SLC39A11: variants seen among roughly 807,000 people sequenced by gnomAD.
SLC39A11 encodes solute carrier family 39 member 11, also known as zinc transporter ZIP11.
A neutral mutation model predicts 36.1 loss-of-function variants in SLC39A11; 33 were observed. That is an observed-to-expected ratio of 0.91 (90% CI 0.69 to 1.22). The LOEUF (loss-of-function observed/expected upper bound fraction) is 1.22, where lower values mean the gene tolerates loss of function less well. Among genes scored for constraint, SLC39A11 ranks in the 50% most tolerant of loss-of-function variants. The pLI is 0.00. For missense variants in SLC39A11, 432 were observed against 430.3 expected, an observed-to-expected ratio of 1.00 and a Z score of -0.03; for synonymous variants, 166 against 170.3, an observed-to-expected ratio of 0.97 and a Z score of 0.20.
At position 72,693,972 on chromosome 17, in the gene SLC39A11, T is replaced by C. The variant is rs529027383; in HGVS notation, c.671+42678A>G. ...CCACCGAGCCCAGCCCCCAGCTCTT[T>C]ATAGAAAAAGCACCCACCTCCCTGC... On this transcript the variant is annotated intron_variant, in intron 7 of 9. Transcript: ENST00000255559. Among the ~76,000 whole-genome samples the C allele has an allele frequency of 9.2e-5, 14 of 152,080 alleles. No homozygotes were observed. The South Asian group carries it at 2.9e-3, about 32-fold the overall frequency.
chr17:72,871,728 C>T (rs2080639520), intron 5 of SLC39A11, among the ~76,000 whole-genome samples: 1 of 152,086 alleles, frequency 6.6e-6, no homozygotes, highest in Non-Finnish European at 1.5e-5. Flanking sequence ...TGAGTTGGGT[C>T]CTTTTATAAT....
At chr17:73,070,459 C>A (rs922221869) in intron 3 of SLC39A11, among the ~76,000 whole-genome samples, 27 of 152,274 alleles carry the variant, frequency 1.8e-4, no homozygotes, top group Middle Eastern at 3.4e-3. Context: ...GAACCCTAAG[C>A]ATTAACTCAG....
At chr17:72,786,815 T>C (rs1450967052) in intron 6 of SLC39A11, among the ~76,000 whole-genome samples, 1 of 151,508 alleles carries the variant, frequency 6.6e-6, no homozygotes, top group Non-Finnish European at 1.5e-5. Context: ...GGCAATCCCA[T>C]ATCTATTTTT....
chr17:72,867,108 C>T (rs1187305769), intron 5 of SLC39A11, among the ~76,000 whole-genome samples: 1 of 152,140 alleles, frequency 6.6e-6, no homozygotes, highest in Non-Finnish European at 1.5e-5. Flanking sequence ...AAAGTAGTAA[C>T]ATTAAAGCAT....
At position 72,831,129 on chromosome 17, in the gene SLC39A11, A is replaced by AT. The variant is rs146986695; in HGVS notation, c.601+18504dup. On this transcript the variant is annotated intron_variant, in intron 6 of 9. Coordinates refer to ENST00000255559, the MANE Select transcript of SLC39A11 (RefSeq NM_139177.4). Reference sequence around the variant, plus strand: ...TTGCACCTGCAAACAGGATTCAGAGATTTTTTTTTTTCTCCCATCAGCATG... The same window carrying AT: ...TTGCACCTGCAAACAGGATTCAGAGATTTTTTTTTTTTCTCCCATCAGCATG... Among the ~76,000 whole-genome samples the AT allele has an allele frequency of 4.4e-3, 650 of 149,088 alleles. 3 individuals carry two copies. Among genetic ancestry groups the AT allele is most frequent in the Middle Eastern group, 0.035 (10 of 284 alleles).
intron 4 of SLC39A11, among the ~76,000 whole-genome samples, chr17:72,970,434 G>A (rs1440959956): frequency 6.6e-6 from 1 of 152,170 alleles, no homozygotes. Flanking sequence ...ACACCAACAC[G>A]GGTTTCCCTT....
chr17:72,909,791 G>T (rs1326159912), intron 5 of SLC39A11, among the ~76,000 whole-genome samples: 4 of 149,316 alleles, frequency 2.7e-5, no homozygotes, highest in Admixed American at 6.8e-5. Context: ...TGTTGCCCAG[G>T]CTGGAGTGCA....
intron 7 of SLC39A11, among the ~76,000 whole-genome samples, chr17:72,678,683 C>T (rs4793475): frequency 0.49 from 73,987 of 150,774 alleles, 18,317 homozygotes; most frequent in Admixed American, 0.54. Flanking sequence ...CCAGCCTGGA[C>T]GAGAAAAAAA....
Position 72,940,833 on chromosome 17 carries a change from G to A in SLC39A11, c.430+6919C>T, listed in dbSNP as rs192144030. On this transcript the variant is annotated intron_variant, in intron 5 of 9. Coordinates refer to ENST00000255559, the MANE Select transcript of SLC39A11 (RefSeq NM_139177.4). ...TCAGCGCAACTATGGCCTGAATCACGTCCCCCGCTTCAAATTTCTATGTTG... is the reference window on the plus strand; with the variant it reads ...TCAGCGCAACTATGGCCTGAATCACATCCCCCGCTTCAAATTTCTATGTTG... Among the ~76,000 whole-genome samples, 32 of 152,298 alleles carry A rather than the reference G, an allele frequency of 2.1e-4. No individual in the cohort carries two copies. The East Asian group carries it at 4.1e-3, about 19-fold the overall frequency.
Position 73,012,057 on chromosome 17 carries a change from C to A in SLC39A11, c.306+19499G>T, listed in dbSNP as rs2090553038. Among the ~76,000 whole-genome samples the A allele has an allele frequency of 3.0e-5, 4 of 131,524 alleles. No homozygotes were observed. The South Asian group carries it at 9.9e-4, about 33-fold the overall frequency. 86.3% of individuals were successfully genotyped at this position (131,524 alleles called of 152,430 possible). A position where few individuals can be genotyped will look rare whatever the true frequency, so the allele number is the denominator to read the frequency against. On this transcript the variant is annotated intron_variant, in intron 4 of 9. Transcript: ENST00000255559. Reference sequence around the variant, plus strand: ...TGGGAGGCCGAGGCGTGTAGATCACCCGAGGTCAGGAGTTTGAGACCAGCC... The same window carrying A: ...TGGGAGGCCGAGGCGTGTAGATCACACGAGGTCAGGAGTTTGAGACCAGCC...
intron 6 of SLC39A11, among the ~76,000 whole-genome samples, chr17:72,791,642 C>T (rs1374552282): frequency 6.6e-6 from 1 of 152,160 alleles, no homozygotes; most frequent in Non-Finnish European, 1.5e-5. Flanking sequence ...TCTGTGTCCC[C>T]ACCCAAATCT....
chr17:72,804,948 G>A (rs1034071484), intron 6 of SLC39A11, among the ~76,000 whole-genome samples: 1 of 151,978 alleles, frequency 6.6e-6, no homozygotes, highest in Admixed American at 6.6e-5. Context: ...CCCGGGAGGC[G>A]AAGGTTGCAG....
chr17:72,726,073 C>A (rs1364649551), intron 7 of SLC39A11, among the ~76,000 whole-genome samples: 2 of 152,114 alleles, frequency 1.3e-5, no homozygotes, highest in Non-Finnish European at 2.9e-5. Flanking sequence ...TGCTGAGACC[C>A]AAGTTGCTAG....
intron 6 of SLC39A11, among the ~76,000 whole-genome samples, chr17:72,747,432 G>A (rs963405533): frequency 6.6e-6 from 1 of 152,192 alleles, no homozygotes; most frequent in African/African-American, 2.4e-5. Context: ...AATTACAGGC[G>A]TGAGCCACCG....
chr17:72,757,946 C>T (rs1166110028), intron 6 of SLC39A11, among the ~76,000 whole-genome samples: 3 of 152,068 alleles, frequency 2.0e-5, no homozygotes, highest in African/African-American at 7.2e-5. Flanking sequence ...AGTGCAGTGG[C>T]GTGATCTCGG....
At chr17:72,712,331 C>A (rs780442653) in intron 7 of SLC39A11, among the ~76,000 whole-genome samples, 7 of 152,228 alleles carry the variant, frequency 4.6e-5, no homozygotes, top group Non-Finnish European at 7.3e-5. Flanking sequence ...CACAGTCAAC[C>A]TTGCTGGGCA....
chr17:72,763,509 C>T (rs934963657), intron 6 of SLC39A11, among the ~76,000 whole-genome samples: 5 of 152,164 alleles, frequency 3.3e-5, no homozygotes, highest in African/African-American at 1.2e-4. Context: ...TTAGATAACA[C>T]CTGTTAACAT....
chr17:72,790,872 G>A (rs984361583), intron 6 of SLC39A11, among the ~76,000 whole-genome samples: 1 of 152,108 alleles, frequency 6.6e-6, no homozygotes, highest in Admixed American at 6.6e-5. Flanking sequence ...ACATTTACAT[G>A]TACAGTTAGT....
At chr17:72,924,228 C>T (rs1395096659) in intron 5 of SLC39A11, among the ~76,000 whole-genome samples, 1 of 147,040 alleles carries the variant, frequency 6.8e-6, no homozygotes, top group Non-Finnish European at 1.5e-5. Context: ...AAACTAAGGG[C>T]ACGTTAAAGT....
Sources: allele counts gnomAD v4.1 joint callset (sites outside exome capture counted in the v4.1 genomes callset), GRCh38; gene constraint gnomAD v4.1.1; transcripts MANE v1.5; gene names NCBI Gene and HGNC (gene_info 2026-07-23, HGNC 2026-07-21).